Variants in SPATS2 observed in about 807,000 individuals in gnomAD.
SPATS2 encodes spermatogenesis-associated serine-rich protein 2.
In SPATS2, 38 loss-of-function variants were observed where a neutral mutation model predicts 63.7. The ratio of observed to expected loss-of-function variants is 0.60; its 90% CI spans 0.46 to 0.78. The LOEUF is 0.78. Among genes scored for constraint, SPATS2 ranks in the 30% least tolerant of loss-of-function variants. SPATS2 has a pLI of 0.00. For synonymous variants in SPATS2, 207 were observed against 232.9 expected, an observed-to-expected ratio of 0.89 and a Z score of 1.01; for missense variants, 588 against 666.2, an observed-to-expected ratio of 0.88 and a Z score of 1.29.
At chr12:49,373,636 A>G (rs1484151904) in intron 2 of SPATS2, among the ~76,000 whole-genome samples, 1 of 151,950 alleles carries the variant, frequency 6.6e-6, no homozygotes, top group Non-Finnish European at 1.5e-5. Context: ...CAAACAATTA[A>G]AAAATTAGAG....
intron 3 of SPATS2, chr12:49,462,530 A>C (rs1264775030): frequency 2.9e-6 from 2 of 684,008 alleles, no homozygotes; most frequent in African/African-American, 3.5e-5. Flanking sequence ...CTCTGCCAGC[A>C]AGGGCAAAGG....
chr12:49,516,862 T>C (rs1301517613), intron 10 of SPATS2, among the ~76,000 whole-genome samples: 3 of 152,238 alleles, frequency 2.0e-5, no homozygotes, highest in Non-Finnish European at 4.4e-5. Flanking sequence ...ATCAGTTTTA[T>C]ATCTTTAGCT....
chr12:49,449,115 CTG>C lies in SPATS2; in HGVS notation c.-243-11653_-243-11652del, dbSNP rs796922559. ...GCTGATCCTTGGCCTAGTATATAGTCTGTCCTTGAGGATGTTCTGGCTGTGTT... is the reference window on the plus strand; with the variant it reads ...GCTGATCCTTGGCCTAGTATATAGTCTCCTTGAGGATGTTCTGGCTGTGTT... On this transcript the variant is annotated intron_variant, in intron 2 of 13. Coordinates refer to ENST00000552918, the MANE Select transcript of SPATS2 (RefSeq NM_023071.4). Among the ~76,000 whole-genome samples, 33 of 152,350 alleles carry C rather than the reference CTG, an allele frequency of 2.2e-4. 1 individual carries two copies. The highest frequency in any genetic ancestry group is 7.0e-4 in the African/African-American group (29 of 41,580).
At chr12:49,483,397 C>T (rs556500465) in intron 3 of SPATS2, among the ~76,000 whole-genome samples, 1 of 151,990 alleles carries the variant, frequency 6.6e-6, no homozygotes, top group African/African-American at 2.4e-5. Context: ...ATAAGATCTT[C>T]GTTTTTGTAG....
At chr12:49,469,429 G>T in intron 3 of SPATS2, 1 of 264,436 alleles carries the variant, frequency 3.8e-6, no homozygotes, top group South Asian at 3.3e-5. Flanking sequence ...GCATGGTGGT[G>T]TGTGCCTGTA....
intron 2 of SPATS2, among the ~76,000 whole-genome samples, chr12:49,413,807 T>G (rs934706287): frequency 2.0e-5 from 3 of 151,872 alleles, no homozygotes; most frequent in Admixed American, 6.6e-5. Context: ...CTCCCCCCAT[T>G]CCCAGCCTAC....
At chr12:49,439,786 T>C (rs1945383824) in intron 2 of SPATS2, among the ~76,000 whole-genome samples, 1 of 152,206 alleles carries the variant, frequency 6.6e-6, no homozygotes. Context: ...ATTATTTGTT[T>C]CTTTTTCTTA....
intron 2 of SPATS2, chr12:49,442,641 CA>C: frequency 6.5e-6 from 1 of 153,752 alleles, no homozygotes. Context: ...GTTTAGGTGA[CA>C]ACCTTGTGGA....
rs547685505 is a variant in SPATS2, at chr12:49,383,201, T to G, written c.-244+11911T>G. On this transcript the variant is annotated intron_variant, in intron 2 of 13. Coordinates refer to ENST00000552918, the MANE Select transcript of SPATS2 (RefSeq NM_023071.4). ...CCTGGCTAATGTTTTGTATTTTTAG[T>G]AGAAAGGGGGTTTCACCATGTTTGC... 1.9e-3 allele frequency among the ~76,000 whole-genome samples: 288 copies of G among 151,814 alleles called. 2 individuals are homozygous for G. Among genetic ancestry groups the G allele is most frequent in the Admixed American group, 4.1e-3 (63 of 15,216 alleles).
intron 2 of SPATS2, among the ~76,000 whole-genome samples, chr12:49,447,846 A>C (rs75479207): frequency 0.017 from 2,568 of 152,034 alleles, 61 homozygotes; most frequent in African/African-American, 0.059. Context: ...GATTTTGGTA[A>C]ATTGTGTCTT....
intron 2 of SPATS2, among the ~76,000 whole-genome samples, chr12:49,450,332 C>T (rs886713664): frequency 9.9e-5 from 15 of 152,136 alleles, no homozygotes; most frequent in African/African-American, 3.1e-4. Flanking sequence ...TCACTGCAAG[C>T]TCCACCTCCT....
intron 9 of SPATS2, among the ~76,000 whole-genome samples, chr12:49,501,408 A>C (rs942512564): frequency 1.3e-5 from 2 of 152,128 alleles, no homozygotes; most frequent in African/African-American, 4.8e-5. Flanking sequence ...CTCAATAACA[A>C]AATTAATTCA....
intron 2 of SPATS2, among the ~76,000 whole-genome samples, chr12:49,380,301 G>A (rs1944192539): frequency 6.6e-6 from 1 of 151,684 alleles, no homozygotes; most frequent in Non-Finnish European, 1.5e-5. Flanking sequence ...TGGGATTACA[G>A]GCGAAAACCA....
intron 2 of SPATS2, among the ~76,000 whole-genome samples, chr12:49,408,119 T>C (rs183449933): frequency 1.3e-5 from 2 of 152,316 alleles, no homozygotes; most frequent in Non-Finnish European, 2.9e-5. Context: ...AAATCAAGGA[T>C]AATTTGGGAA....
chr12:49,452,067 A>G (rs138819488), intron 2 of SPATS2, among the ~76,000 whole-genome samples: 1 of 152,140 alleles, frequency 6.6e-6, no homozygotes, highest in African/African-American at 2.4e-5. Context: ...CAGTTTCACT[A>G]TGATATGTCT....
intron 2 of SPATS2, among the ~76,000 whole-genome samples, chr12:49,403,627 AC>A (rs1222619711): frequency 3.3e-5 from 5 of 150,940 alleles, no homozygotes; most frequent in African/African-American, 9.9e-5. Context: ...ACACACACAC[AC>A]ACACACACAC....
chr12:49,459,098 A>T (rs1260522205), intron 2 of SPATS2, among the ~76,000 whole-genome samples: 1 of 152,200 alleles, frequency 6.6e-6, no homozygotes, highest in Non-Finnish European at 1.5e-5. Flanking sequence ...AGCCCATAAA[A>T]GGGAAGAAAG....
chr12:49,508,966 AGACAG>A (rs1368575078), intron 9 of SPATS2, among the ~76,000 whole-genome samples: 1 of 152,034 alleles, frequency 6.6e-6, no homozygotes, highest in Non-Finnish European at 1.5e-5. Context: ...TGGGAGGCTG[AGACAG>A]GAAAATTGCT....
At chr12:49,388,808 C>T (rs962964615) in intron 2 of SPATS2, among the ~76,000 whole-genome samples, 1 of 151,640 alleles carries the variant, frequency 6.6e-6, no homozygotes, top group African/African-American at 2.4e-5. Context: ...GATCCTCCCT[C>T]TTCAGCCTCA....
Sources: gnomAD v4.1 joint callset for allele counts (sites outside exome capture counted in the v4.1 genomes callset) on GRCh38, gnomAD v4.1.1 for gene constraint, MANE v1.5 for transcripts, NCBI Gene and HGNC (gene_info 2026-07-23, HGNC 2026-07-21) for gene names.